The following CENPE variants were observed in gnomAD, a reference collection of about 807,000 sequenced individuals.
The protein encoded by CENPE is centromere protein E.
In CENPE, 145 loss-of-function variants were observed where a neutral mutation model predicts 336.1. The ratio of observed to expected loss-of-function variants is 0.43; its 90% CI spans 0.38 to 0.50. The LOEUF is 0.50. Ranked by LOEUF, CENPE falls within the 20% of genes least tolerant of loss-of-function variation. The pLI is 0.00. For missense variants in CENPE, 2,719 were observed against 3,023.3 expected (o/e 0.90, Z 2.36); for synonymous variants, 1,013 against 984.8 (o/e 1.03, Z -0.54).
At chr4:103,167,476 G>A (rs1007418358) in intron 16 of CENPE, among the ~76,000 whole-genome samples, 48 of 152,012 alleles carry the variant, frequency 3.2e-4, no homozygotes, top group African/African-American at 1.1e-3. Context: ...ATATACATAT[G>A]AAAAATGGTT....
At chr4:103,145,749 C>G (rs1388885409) in intron 30 of CENPE, 68 bp from the exon 31 acceptor site, 14 of 1,508,066 alleles carry the variant, frequency 9.3e-6, no homozygotes, top group Non-Finnish European at 1.2e-5. Context: ...TAATTAACTC[C>G]CCTTTCCAAA....
At chr4:103,177,176 A>G (rs1469816977) in intron 13 of CENPE, 130 bp from the exon 14 acceptor site, 3 of 711,780 alleles carry the variant, frequency 4.2e-6, no homozygotes, top group Non-Finnish European at 2.2e-6. Flanking sequence ...TTAAAATTTT[A>G]TTAGTCTAAG....
At chr4:103,137,664 G>C (rs752166138) in intron 39 of CENPE, among the ~76,000 whole-genome samples, 3 of 152,128 alleles carry the variant, frequency 2.0e-5, no homozygotes, top group Non-Finnish European at 4.4e-5. Flanking sequence ...AGGTGTGACT[G>C]TAAATCCTGT....
chr4:103,170,183 A>G (rs796551692), intron 16 of CENPE, among the ~76,000 whole-genome samples: 37 of 152,282 alleles, frequency 2.4e-4, no homozygotes, highest in African/African-American at 8.7e-4. Context: ...ACCTAATGTT[A>G]AATGACGAGT....
At chr4:103,145,448 T>G in intron 31 of CENPE, 75 bp downstream of exon 31, 1 of 1,423,200 alleles carries the variant, frequency 7.0e-7, no homozygotes, top group Non-Finnish European at 9.6e-7. Context: ...GCATGCCAAA[T>G]AGTAGTCTTC....
rs777690114 is a variant in CENPE at position 103,140,034 on chromosome 4, C to T, written c.5959G>A (p.Glu1987Lys). ...KKELQLLRVK[E>K]DVNMSHKKIN... is the part of the protein sequence containing the mutation. ...TTTTTATGACTCATATTGACATCTT[C>T]TTTCACTCTAAGCAGTTGAAGTTCT... Residue 1987 changes from glutamate to lysine, a missense_variant, in exon 38 of 49, where the codon GAA (glutamate) becomes AAA (lysine). Physicochemically the swap from Glu to Lys is moderately conservative, Grantham distance 56 (BLOSUM62 1). Coordinates refer to ENST00000265148, the MANE Select transcript of CENPE (RefSeq NM_001813.3). 2.5e-6 allele frequency: 4 copies of T among 1,612,028 alleles called. No homozygotes were observed. The highest frequency in any genetic ancestry group is 2.2e-5 in the East Asian group (1 of 44,750).
At chr4:103,187,937 G>A (rs1451774910) in intron 8 of CENPE, among the ~76,000 whole-genome samples, 15 of 152,006 alleles carry the variant, frequency 9.9e-5, no homozygotes, top group African/African-American at 3.6e-4. Context: ...TCAAAATAAA[G>A]GGATGGAGGA....
At chr4:103,164,119 A>G (rs1332934584) in intron 16 of CENPE, among the ~76,000 whole-genome samples, 1 of 152,120 alleles carries the variant, frequency 6.6e-6, no homozygotes, top group Non-Finnish European at 1.5e-5. Flanking sequence ...GTATGGAATG[A>G]TCAACTATGA....
At position 103,175,268 on chromosome 4, in the gene CENPE, T is replaced by C. The variant is rs1755760554; in HGVS notation, c.1480-365A>G. On this transcript the variant is annotated intron_variant, in intron 15 of 48. Coordinates refer to ENST00000265148, the MANE Select transcript of CENPE (RefSeq NM_001813.3). ...ATTATTTATTGACTTCTAAAGCTAA[T>C]GACAACTGTGTTTTACTATAAAGAG... Among the ~76,000 whole-genome samples the C allele has an allele frequency of 3.3e-5, 5 of 152,062 alleles. No individual in the cohort carries two copies. The South Asian group carries it at 1.0e-3, about 32-fold the overall frequency.
intron 1 of CENPE, among the ~76,000 whole-genome samples, chr4:103,197,281 C>A (rs1757814343): frequency 6.6e-6 from 1 of 152,158 alleles, no homozygotes; most frequent in South Asian, 2.1e-4. Context: ...CAGATGTAAC[C>A]TCTCTGTGCC....
At chr4:103,187,861 A>G (rs1380354112) in intron 8 of CENPE, among the ~76,000 whole-genome samples, 4 of 152,222 alleles carry the variant, frequency 2.6e-5, no homozygotes, top group Non-Finnish European at 5.9e-5. Context: ...GGCAAATTGG[A>G]TAGTCAAGAC....
At chr4:103,185,689 T>C in intron 9 of CENPE, 121 bp downstream of exon 9, 2 of 536,658 alleles carry the variant, frequency 3.7e-6, no homozygotes, top group Non-Finnish European at 6.5e-6. Context: ...CAATTAATGA[T>C]TCATTATTAT....
At chr4:103,170,867 G>GAAA (rs1486556638) in intron 16 of CENPE, among the ~76,000 whole-genome samples, 4 of 152,118 alleles carry the variant, frequency 2.6e-5, no homozygotes, top group African/African-American at 9.7e-5. Context: ...AACTGAAATT[G>GAAA]TAAGAGAGCA....
Position 103,195,015 on chromosome 4 carries a change from G to A in CENPE, c.477+99C>T, listed in dbSNP as rs1757633121. 7 of 1,062,228 alleles carry A rather than the reference G, an allele frequency of 6.6e-6. No individual in the cohort carries two copies. In the South Asian group the frequency reaches 7.9e-5, roughly 12 times the overall value. 65.8% of individuals were successfully genotyped at this position (1,062,228 alleles called of 1,614,324 possible). A position where few individuals can be genotyped will look rare whatever the true frequency, so the allele number is the denominator to read the frequency against. Reference sequence around the variant, plus strand: ...AAACCCTCACATACTATAGAAATAGGAGACACTTTAAAAACTATAGAAATT... The same window carrying A: ...AAACCCTCACATACTATAGAAATAGAAGACACTTTAAAAACTATAGAAATT... On this transcript the variant is annotated intron_variant, in intron 5 of 48. Transcript: ENST00000265148.
chr4:103,143,274 G>C lies in CENPE; in HGVS notation c.5278C>G (p.His1760Asp). ...EISNMQKDLEHSNDALKAQDL... is the reference protein window; with the variant it reads ...EISNMQKDLEDSNDALKAQDL... ...TGTGCTTTTAAGGCATCATTTGAGT[G>C]TTCTAAGTCCTTTTGCATATTTGAT... is the stretch of plus-strand genomic sequence containing the variant. Residue 1760 changes from histidine to aspartate, a missense_variant, in exon 34 of 49, where the codon CAC becomes GAC. This residue lies in a region of CENPE where 2,437 missense variants were observed against 2,513.3 expected (regional missense o/e 0.97). Coordinates refer to ENST00000265148, the MANE Select transcript of CENPE (RefSeq NM_001813.3). The C allele has an allele frequency of 1.2e-6, 2 of 1,604,416 alleles. No homozygotes were observed. Among genetic ancestry groups the C allele is most frequent in the Non-Finnish European group, 1.7e-6 (2 of 1,174,726 alleles).
chr4:103,184,697 C>A (rs1055855467), intron 9 of CENPE, among the ~76,000 whole-genome samples: 4 of 152,214 alleles, frequency 2.6e-5, no homozygotes, highest in South Asian at 4.1e-4. Flanking sequence ...GCTGACAATT[C>A]ACACAGTTTT....
intron 42 of CENPE, among the ~76,000 whole-genome samples, chr4:103,125,350 G>A (rs1179505197): frequency 6.6e-6 from 1 of 152,140 alleles, no homozygotes; most frequent in Non-Finnish European, 1.5e-5. Flanking sequence ...TTTTACCAAT[G>A]AAACAGAGAA....
rs1281634115 is a variant in CENPE at position 103,144,988 on chromosome 4, G to A, written c.4857+62C>T. ...ATTAATAAAACTTAACATGAACACCGTCATTATCACCTTAACACTATTTCT... is the reference window on the plus strand; with the variant it reads ...ATTAATAAAACTTAACATGAACACCATCATTATCACCTTAACACTATTTCT... On this transcript the variant is annotated intron_variant, in intron 32 of 48. Transcript: ENST00000265148. 34 of 1,352,410 alleles carry A rather than the reference G, an allele frequency of 2.5e-5. 1 individual carries two copies. The highest frequency in any genetic ancestry group is 5.4e-4 in the Middle Eastern group (2 of 3,716). 83.8% of individuals were successfully genotyped at this position (1,352,410 alleles called of 1,614,324 possible).
chr4:103,149,123 C>G lies in CENPE; in HGVS notation c.3682G>C (p.Ala1228Pro). ...HLRGYIREIE[A>P]TGLQTKEELK... Reference sequence around the variant, plus strand: ...AGGAAAAGGGTATAACTTACTGTAGCTTCAATTTCTCTTATATATCCTCTA... The same window carrying G: ...AGGAAAAGGGTATAACTTACTGTAGGTTCAATTTCTCTTATATATCCTCTA... Residue 1228 changes from alanine (A) to proline (P), a missense_variant, in exon 27 of 49, where the codon GCT (alanine) becomes CCT (proline). Ala to Pro is a conservative substitution (Grantham distance 27, BLOSUM62 -1). Transcript: ENST00000265148. 1 of 1,585,666 alleles carries G rather than the reference C, an allele frequency of 6.3e-7. No homozygotes were observed. Among genetic ancestry groups the G allele is most frequent in the Non-Finnish European group, 8.5e-7 (1 of 1,172,780 alleles).
Sources: allele counts gnomAD v4.1 joint callset (sites outside exome capture counted in the v4.1 genomes callset), GRCh38; gene constraint gnomAD v4.1.1; regional missense constraint gnomAD v4.1.1; transcripts MANE v1.5; gene names NCBI Gene and HGNC (gene_info 2026-07-23, HGNC 2026-07-21).